The following KDELR2 variants were observed in gnomAD, a reference collection of about 807,000 sequenced individuals.
KDELR2 encodes KDEL endoplasmic reticulum protein retention receptor 2, also known as ER lumen protein-retaining receptor 2.
KDELR2 carries 15 observed loss-of-function variants against 23.9 expected under a neutral mutation model. That is an observed-to-expected ratio of 0.63 (90% CI 0.42 to 0.97). KDELR2 has a LOEUF of 0.97. Among genes scored for constraint, KDELR2 ranks in the 50% least tolerant of loss-of-function variants. The pLI is 0.00. For synonymous variants in KDELR2, 119 were observed against 106.2 expected (o/e 1.12, Z -0.74); for missense variants, 272 against 254.6 (o/e 1.07, Z -0.46).
intron 2 of KDELR2, chr7:6,470,016 C>T: frequency 3.3e-6 from 1 of 298,836 alleles, no homozygotes; most frequent in Admixed American, 4.8e-5. Context: ...GTCAAACTCC[C>T]CCAGGCTTCC....
chr7:6,469,826 C>A, intron 2 of KDELR2, 72 bp from the exon 3 acceptor site: 1 of 1,343,054 alleles, frequency 7.4e-7, no homozygotes, highest in Non-Finnish European at 1.0e-6. Context: ...CTTTTTTAAT[C>A]ACCCATGTAT....
chr7:6,474,382 C>A, intron 1 of KDELR2, 98 bp from the exon 2 acceptor site: 1 of 805,060 alleles, frequency 1.2e-6, no homozygotes. Flanking sequence ...AGGAGGGGTG[C>A]GTGGGGTCAA....
chr7:6,475,543 G>T (rs185282165), intron 1 of KDELR2, among the ~76,000 whole-genome samples: 1 of 152,350 alleles, frequency 6.6e-6, no homozygotes, highest in East Asian at 1.9e-4. Context: ...TTCAAAAGCA[G>T]CTGTCTTTTT....
intron 3 of KDELR2, 33 bp downstream of exon 3, chr7:6,469,563 C>A: frequency 6.2e-7 from 1 of 1,601,620 alleles, no homozygotes; most frequent in South Asian, 1.1e-5. Context: ...CATGAGCCAC[C>A]ATGCCTGGCC....
chr7:6,461,242 G>T lies in KDELR2; in HGVS notation c.*1899C>A, dbSNP rs972327622. On this transcript the variant is annotated 3_prime_UTR_variant, in exon 5 of 5. Coordinates refer to ENST00000258739, the MANE Select transcript of KDELR2 (RefSeq NM_006854.4). ...GGCACCCTTGCTAAGATGTCCTCCT[G>T]GGTGACCAAAACGGTGGTAACATAG... The T allele has an allele frequency of 2.6e-5, 4 of 152,142 alleles. No individual in the cohort carries two copies. Among genetic ancestry groups the T allele is most frequent in the Admixed American group, 1.3e-4 (2 of 15,252 alleles). 9.4% of individuals were successfully genotyped at this position (152,142 alleles called of 1,614,324 possible). A position where few individuals can be genotyped will look rare whatever the true frequency, so the allele number is the denominator to read the frequency against.
Position 6,484,115 on chromosome 7 carries a change from G to A in KDELR2, c.-58C>T, listed in dbSNP as rs1205694272. ...GGCGGCCCCGGGGCTGGGCGGCTCA[G>A]GAGGCGGCGGCCCCTGAGAGGAAGC... On this transcript the variant is annotated 5_prime_UTR_variant, in exon 1 of 5. Coordinates refer to ENST00000258739, the MANE Select transcript of KDELR2 (RefSeq NM_006854.4). The A allele has an allele frequency of 2.4e-6, 3 of 1,237,324 alleles. No homozygotes were observed. In the East Asian group the frequency reaches 1.0e-4, roughly 42 times the overall value. 76.6% of individuals were successfully genotyped at this position (1,237,324 alleles called of 1,614,324 possible).
rs747278103 is a variant in KDELR2, at chr7:6,463,176, C to G, written c.605-1G>C. 1 of 1,607,604 alleles carries G rather than the reference C, an allele frequency of 6.2e-7. No individual in the cohort carries two copies. On this transcript the variant is annotated splice_acceptor_variant, in intron 4 of 4. Transcript: ENST00000258739. LOFTEE classifies it high-confidence loss of function. ...AAACTGAGCTTCTTTCCCTTGAGTA[C>G]TAGAATTTCAAAGAGAAGAAAAGAA...
intron 1 of KDELR2, 31 bp from the exon 2 acceptor site, chr7:6,474,315 G>A: frequency 6.9e-7 from 1 of 1,450,068 alleles, no homozygotes; most frequent in Non-Finnish European, 9.7e-7. Flanking sequence ...TATTAGAAGG[G>A]CCTGAAGAGC....
intron 4 of KDELR2, 126 bp downstream of exon 4, chr7:6,465,945 G>T: frequency 3.2e-6 from 3 of 951,364 alleles, no homozygotes; most frequent in Non-Finnish European, 3.2e-6. Flanking sequence ...AATGTTATTG[G>T]CCAATCATGA....
intron 2 of KDELR2, among the ~76,000 whole-genome samples, chr7:6,472,284 T>C (rs1785663415): frequency 1.3e-5 from 2 of 152,150 alleles, no homozygotes; most frequent in Admixed American, 6.5e-5. Flanking sequence ...TAATAAAAAC[T>C]TGATGGGCGT....
Position 6,466,094 on chromosome 7 carries a change from A to T in KDELR2, c.581T>A (p.Phe194Tyr). 6.2e-7 allele frequency: 1 copy of T among 1,614,136 alleles called. No individual in the cohort carries two copies. The highest frequency in any genetic ancestry group is 8.5e-7 in the Non-Finnish European group (1 of 1,180,026). The change falls in exon 4 of 5, where the codon TTC (phenylalanine) becomes TAC (tyrosine). Residue 194 changes from phenylalanine (F) to tyrosine (Y), a missense_variant. Transcript: ENST00000258739. ...GVVQTILYCD[F>Y]FYLYITKVLK... ...ACCTTTTGTAATGTACAAGTAGAAGAAGTCACAGTATAGGATGGTCTGGAC... is the reference window on the plus strand; with the variant it reads ...ACCTTTTGTAATGTACAAGTAGAAGTAGTCACAGTATAGGATGGTCTGGAC...
At chr7:6,478,411 G>C (rs1785801644) in intron 1 of KDELR2, among the ~76,000 whole-genome samples, 1 of 152,022 alleles carries the variant, frequency 6.6e-6, no homozygotes, top group Non-Finnish European at 1.5e-5. Context: ...ACCTCCCAAA[G>C]CGCTGCCACC....
intron 2 of KDELR2, among the ~76,000 whole-genome samples, chr7:6,472,158 T>C (rs1236699515): frequency 1.3e-5 from 2 of 152,168 alleles, no homozygotes; most frequent in East Asian, 3.8e-4. Context: ...AAAATCTACA[T>C]GCATAAACAA....
intron 3 of KDELR2, 77 bp from the exon 4 acceptor site, chr7:6,466,400 AC>A: frequency 6.5e-7 from 1 of 1,548,952 alleles, no homozygotes; most frequent in Non-Finnish European, 8.7e-7. Context: ...TGCTTTCTTT[AC>A]CACAAAGCAG....
intron 3 of KDELR2, 95 bp downstream of exon 3, chr7:6,469,501 C>G: frequency 8.3e-7 from 1 of 1,200,808 alleles, no homozygotes; most frequent in Non-Finnish European, 1.2e-6. Flanking sequence ...ATGATCCACC[C>G]AAAGTGGAGG....
intron 2 of KDELR2, 192 bp from the exon 3 acceptor site, chr7:6,469,946 A>G: frequency 2.2e-6 from 1 of 461,948 alleles, no homozygotes; most frequent in Non-Finnish European, 3.8e-6. Flanking sequence ...AACCACCACC[A>G]AAATTAGGAC....
chr7:6,473,987 A>G (rs1785705003), intron 2 of KDELR2, 197 bp downstream of exon 2: 7 of 428,948 alleles, frequency 1.6e-5, no homozygotes, highest in Non-Finnish European at 2.5e-5. Context: ...TTTGAAACCA[A>G]AAATGTATGC....
At chr7:6,467,897 G>A (rs967159070) in intron 3 of KDELR2, among the ~76,000 whole-genome samples, 1 of 152,206 alleles carries the variant, frequency 6.6e-6, no homozygotes, top group Non-Finnish European at 1.5e-5. Context: ...GAGCAGATCA[G>A]CTCACTGCAC....
Position 6,463,039 on chromosome 7 carries a change from T to C in KDELR2, c.*102A>G. 1 of 1,614,050 alleles carries C rather than the reference T, an allele frequency of 6.2e-7. No individual in the cohort carries two copies. Among genetic ancestry groups the C allele is most frequent in the Middle Eastern group, 1.6e-4 (1 of 6,062 alleles). ...CTGATGACTATCTGCAACAAAAGAG[T>C]TAAGTTTCTGATTTTCCGTATCAAG... On this transcript the variant is annotated 3_prime_UTR_variant, in exon 5 of 5. Transcript: ENST00000258739.
Sources: gnomAD v4.1 joint callset for allele counts (sites outside exome capture counted in the v4.1 genomes callset) on GRCh38, gnomAD v4.1.1 for gene constraint, MANE v1.5 for transcripts, NCBI Gene and HGNC (gene_info 2026-07-23, HGNC 2026-07-21) for gene names.